Variants in STRADA observed in about 807,000 individuals in gnomAD.
STRADA encodes STE20 related adaptor alpha.
STRADA carries 26 observed loss-of-function variants against 55.0 expected under a neutral mutation model. That is an observed-to-expected ratio of 0.47 (90% CI 0.35 to 0.66). The LOEUF (loss-of-function observed/expected upper bound fraction) is 0.66. Ranked by LOEUF, STRADA falls within the 30% of genes least tolerant of loss-of-function variation. The pLI is 0.01. For missense variants in STRADA, 443 were observed against 549.7 expected, an observed-to-expected ratio of 0.81 and a Z score of 1.94; for synonymous variants, 197 against 210.9, an observed-to-expected ratio of 0.93 and a Z score of 0.57.
intron 1 of STRADA, among the ~76,000 whole-genome samples, chr17:63,730,028 G>A (rs774953255): frequency 4.6e-5 from 7 of 151,714 alleles, no homozygotes; most frequent in Non-Finnish European, 2.9e-5. Context: ...TAGAGATGGC[G>A]TTTCACCATG....
chr17:63,722,338 AAC>A (rs1363055380), intron 4 of STRADA, among the ~76,000 whole-genome samples: 1 of 152,238 alleles, frequency 6.6e-6, no homozygotes, highest in African/African-American at 2.4e-5. Flanking sequence ...CTACCAAATA[AAC>A]ACATTCAACT....
In STRADA at chr17:63,732,031, A is replaced by AT. The variant is rs1204033224; in HGVS notation, c.-44-3619dup. ...AGGCGCCCGCCACCACACCCGGCTAATTTTTTTTTTGTATTTTTAGTAGAG... is the reference window on the plus strand; with the variant it reads ...AGGCGCCCGCCACCACACCCGGCTAATTTTTTTTTTTGTATTTTTAGTAGAG... On this transcript the variant is annotated intron_variant, in intron 1 of 12. Coordinates refer to ENST00000336174, the MANE Select transcript of STRADA (RefSeq NM_001003787.4). Among the ~76,000 whole-genome samples the AT allele has an allele frequency of 2.2e-3, 320 of 148,188 alleles. 3 individuals carry two copies. The highest frequency in any genetic ancestry group is 7.0e-3 in the African/African-American group (285 of 40,476).
Position 63,704,415 on chromosome 17 carries a change from G to A in STRADA, c.1026C>T (p.His342=). ...GGGGGGAGAAGGTTCGGTGGTAGGG[G>A]TGGGAGGGCGAGTCACCGTTGGAGG... ...PRPSNGDSPS[H]PYHRTFSPHF... is the part of the protein sequence containing the mutation. Residue 342 remains histidine (H), a synonymous_variant, in exon 11 of 13, where the codon CAC becomes CAT. Transcript: ENST00000336174. 2 of 1,612,766 alleles carry A rather than the reference G, an allele frequency of 1.2e-6. No homozygotes were observed. Among genetic ancestry groups the A allele is most frequent in the Non-Finnish European group, 1.7e-6 (2 of 1,179,796 alleles).
At chr17:63,723,396 A>G (rs1172682214) in intron 3 of STRADA, 70 bp from the exon 4 acceptor site, 3 of 1,576,842 alleles carry the variant, frequency 1.9e-6, no homozygotes, top group Non-Finnish European at 2.6e-6. Flanking sequence ...CAGAACAGCA[A>G]TTATTGTACT....
intron 1 of STRADA, among the ~76,000 whole-genome samples, chr17:63,736,753 TATA>T (rs1224607864): frequency 2.0e-5 from 3 of 150,628 alleles, no homozygotes; most frequent in African/African-American, 4.9e-5. Context: ...TTGAAGAAAA[TATA>T]ATAATATCAT....
chr17:63,729,066 T>C (rs1197946361), intron 1 of STRADA, among the ~76,000 whole-genome samples: 1 of 152,124 alleles, frequency 6.6e-6, no homozygotes, highest in Non-Finnish European at 1.5e-5. Flanking sequence ...TTACTTCTTA[T>C]AGAGACAGGG....
At chr17:63,704,242 C>T (rs1568169722) in intron 11 of STRADA, 99 bp downstream of exon 11, 1 of 1,559,142 alleles carries the variant, frequency 6.4e-7, no homozygotes, top group Non-Finnish European at 8.7e-7. Context: ...CCAGATTCCC[C>T]TGCAGAACCT....
At chr17:63,736,016 A>G (rs1221012592) in intron 1 of STRADA, among the ~76,000 whole-genome samples, 1 of 152,032 alleles carries the variant, frequency 6.6e-6, no homozygotes, top group African/African-American at 2.4e-5. Flanking sequence ...ATCTTGGCGC[A>G]CTGCAACCTC....
chr17:63,705,488 A>G (rs573919938), intron 10 of STRADA: 48 of 160,342 alleles, frequency 3.0e-4, no homozygotes, highest in Non-Finnish European at 5.7e-4. Context: ...GATTCCTCAC[A>G]TAGACTTCCA....
chr17:63,716,656 A>G (rs2036909482), intron 4 of STRADA, among the ~76,000 whole-genome samples: 1 of 152,144 alleles, frequency 6.6e-6, no homozygotes, highest in Admixed American at 6.6e-5. Context: ...TTGGATGGAA[A>G]AAGTTTCCAT....
chr17:63,703,892 T>C, intron 12 of STRADA, 113 bp downstream of exon 12: 1 of 1,608,208 alleles, frequency 6.2e-7, no homozygotes, highest in Non-Finnish European at 8.5e-7. Flanking sequence ...TTTCAGGGGC[T>C]TCGGAAGCGG....
Position 63,740,147 on chromosome 17 carries a change from T to TATACAC in STRADA, c.-45+1593_-45+1594insGTGTAT, listed in dbSNP as rs1401201419. 9.0e-3 allele frequency among the ~76,000 whole-genome samples: 600 copies of TATACAC among 66,972 alleles called. 37 individuals are homozygous for TATACAC. The highest frequency in any genetic ancestry group is 0.038 in the African/African-American group (547 of 14,488). 43.9% of individuals were successfully genotyped at this position (66,972 alleles called of 152,430 possible). The stretch of plus-strand genomic sequence containing the variant: ...ATATATACACATACATATATATATA[T>TATACAC]ACACACACACACACACACACACACA... On this transcript the variant is annotated intron_variant, in intron 1 of 12. Coordinates refer to ENST00000336174, the MANE Select transcript of STRADA (RefSeq NM_001003787.4).
intron 1 of STRADA, among the ~76,000 whole-genome samples, chr17:63,740,145 T>TACACACACACAC (rs753964028): frequency 1.9e-4 from 8 of 42,890 alleles, no homozygotes; most frequent in African/African-American, 5.1e-4. Context: ...CATATATATA[T>TACACACACACAC]ATACACACAC....
intron 6 of STRADA, among the ~76,000 whole-genome samples, chr17:63,713,000 CAAAA>C (rs5821401): frequency 2.4e-5 from 3 of 125,534 alleles, no homozygotes; most frequent in Non-Finnish European, 1.7e-5. Flanking sequence ...GAATCCGTCT[CAAAA>C]AAAAAAAAAA....
intron 4 of STRADA, chr17:63,715,153 C>G (rs2036773363): frequency 1.3e-5 from 2 of 152,216 alleles, no homozygotes; most frequent in Non-Finnish European, 2.9e-5. Context: ...TTGAACAACT[C>G]TTTGGGAAGC....
chr17:63,726,732 T>A (rs748473564), intron 2 of STRADA, 37 bp from the exon 3 acceptor site: 1 of 1,608,588 alleles, frequency 6.2e-7, no homozygotes. Flanking sequence ...TAGTATTTCT[T>A]CCAAGCCGCA....
chr17:63,736,883 T>A, intron 1 of STRADA, among the ~76,000 whole-genome samples: 1 of 98,730 alleles, frequency 1.0e-5, no homozygotes, highest in Admixed American at 1.6e-4. Context: ...AACCAAAAAT[T>A]CCAACAGAAA....
chr17:63,728,009 C>G (rs1044164954), intron 2 of STRADA: 34 of 215,424 alleles, frequency 1.6e-4, no homozygotes, highest in Non-Finnish European at 3.0e-4. Context: ...CACAACCTCA[C>G]GGGGGGTCAT....
At chr17:63,721,612 G>A (rs1171173164) in intron 4 of STRADA, among the ~76,000 whole-genome samples, 1 of 151,268 alleles carries the variant, frequency 6.6e-6, no homozygotes, top group East Asian at 1.9e-4. Flanking sequence ...TACTCGGGAG[G>A]TTGAGGCAGG....
Sources: gnomAD v4.1 joint callset for allele counts (sites outside exome capture counted in the v4.1 genomes callset) on GRCh38, gnomAD v4.1.1 for gene constraint, MANE v1.5 for transcripts, NCBI Gene and HGNC (gene_info 2026-07-23, HGNC 2026-07-21) for gene names.